The following CTNNA3 variants were observed in gnomAD, a reference collection of about 807,000 sequenced individuals.
The protein encoded by CTNNA3 is catenin alpha 3, also known as catenin alpha-3.
Under a neutral mutation model 95.7 loss-of-function variants are expected in CTNNA3, and 76 were observed. That is an observed-to-expected ratio of 0.79 (90% CI 0.66 to 0.96). The LOEUF (loss-of-function observed/expected upper bound fraction) is 0.96, where lower values mean the gene tolerates loss of function less well. CTNNA3 is among the 40% of genes least tolerant of loss of function. The pLI is 0.00. For missense variants in CTNNA3, 1,191 were observed against 1,089.8 expected (o/e 1.09, Z -1.31); for synonymous variants, 431 against 374.4 (o/e 1.15, Z -1.74).
chr10:66,893,421 G>A (rs1453470413), intron 7 of CTNNA3, among the ~76,000 whole-genome samples: 1 of 151,854 alleles, frequency 6.6e-6, no homozygotes, highest in African/African-American at 2.4e-5. Context: ...TATGTGTAAT[G>A]TCTCTAACAA....
chr10:66,045,424 T>TA (rs1157393341), intron 15 of CTNNA3, among the ~76,000 whole-genome samples: 4 of 152,192 alleles, frequency 2.6e-5, no homozygotes, highest in Non-Finnish European at 5.9e-5. Context: ...TAATTGTCCT[T>TA]AAAATGTAGA....
At chr10:67,459,308 A>C (rs1205680800) in intron 5 of CTNNA3, among the ~76,000 whole-genome samples, 4 of 152,156 alleles carry the variant, frequency 2.6e-5, no homozygotes. Context: ...TGCAAATCCA[A>C]GGCTGATGTA....
At chr10:66,931,843 A>G (rs1847414815) in intron 7 of CTNNA3, among the ~76,000 whole-genome samples, 1 of 152,206 alleles carries the variant, frequency 6.6e-6, no homozygotes, top group Non-Finnish European at 1.5e-5. Context: ...GATAAGAAAT[A>G]TTTTAGAGTG....
chr10:66,648,596 C>T (rs1205109047), intron 9 of CTNNA3, among the ~76,000 whole-genome samples: 1 of 152,026 alleles, frequency 6.6e-6, no homozygotes, highest in African/African-American at 2.4e-5. Flanking sequence ...TTCTGAAGAA[C>T]ATTGACAAAT....
chr10:66,090,393 T>G (rs980543246), intron 14 of CTNNA3, among the ~76,000 whole-genome samples: 5 of 151,876 alleles, frequency 3.3e-5, no homozygotes, highest in African/African-American at 1.2e-4. Flanking sequence ...ACCGTGATAG[T>G]GGTGGTGGTG....
chr10:66,672,114 G>T (rs1846682552), intron 9 of CTNNA3, among the ~76,000 whole-genome samples: 1 of 151,980 alleles, frequency 6.6e-6, no homozygotes, highest in Non-Finnish European at 1.5e-5. Flanking sequence ...TGGAGGAAGG[G>T]GCTGAAGAGT....
chr10:66,672,388 C>A (rs966693512), intron 9 of CTNNA3, among the ~76,000 whole-genome samples: 6 of 152,088 alleles, frequency 3.9e-5, no homozygotes, highest in African/African-American at 1.4e-4. Flanking sequence ...CCAAGCCATC[C>A]TTCCTTTTGA....
At chr10:66,403,853 T>C (rs1385856252) in intron 11 of CTNNA3, among the ~76,000 whole-genome samples, 1 of 152,190 alleles carries the variant, frequency 6.6e-6, no homozygotes, top group Non-Finnish European at 1.5e-5. Flanking sequence ...AAGCTAACTT[T>C]GCGAGGAATT....
At chr10:67,689,018 C>A (rs1341651130) in intron 1 of CTNNA3, among the ~76,000 whole-genome samples, 2 of 152,040 alleles carry the variant, frequency 1.3e-5, no homozygotes, top group African/African-American at 4.8e-5. Context: ...CCTCTTAGAC[C>A]ACAAAGAGGA....
intron 1 of CTNNA3, among the ~76,000 whole-genome samples, chr10:67,752,944 C>T (rs115603613): frequency 0.017 from 2,524 of 152,138 alleles, 73 homozygotes; most frequent in African/African-American, 0.058. Context: ...CTACCATTGC[C>T]GTTTTTCAAA....
chr10:65,973,696 T>C (rs2078155245), intron 16 of CTNNA3, among the ~76,000 whole-genome samples: 2 of 151,902 alleles, frequency 1.3e-5, no homozygotes, highest in South Asian at 2.1e-4. Context: ...TTACTCACAG[T>C]AGGAGATGAA....
intron 10 of CTNNA3, among the ~76,000 whole-genome samples, chr10:66,576,645 C>T (rs1470004385): frequency 6.6e-6 from 1 of 152,032 alleles, no homozygotes; most frequent in Non-Finnish European, 1.5e-5. Context: ...TTTCATGTTG[C>T]TGCAAAGAAC....
chr10:67,294,250 A>G (rs1181873195), intron 5 of CTNNA3, among the ~76,000 whole-genome samples: 1 of 152,164 alleles, frequency 6.6e-6, no homozygotes, highest in African/African-American at 2.4e-5. Flanking sequence ...AGAGACCCAA[A>G]TATATATAAG....
intron 7 of CTNNA3, among the ~76,000 whole-genome samples, chr10:66,897,032 C>A (rs1205270870): frequency 6.6e-6 from 1 of 152,152 alleles, no homozygotes; most frequent in Admixed American, 6.5e-5. Flanking sequence ...CCAAGAACAT[C>A]ACCCCTACTT....
chr10:66,508,341 G>A (rs4611094), intron 11 of CTNNA3, among the ~76,000 whole-genome samples: 22,739 of 151,098 alleles, frequency 0.15, 1,766 homozygotes, highest in Non-Finnish European at 0.17. Context: ...TAGAAACGGC[G>A]TTCACTTCAG....
intron 7 of CTNNA3, among the ~76,000 whole-genome samples, chr10:67,094,994 T>C (rs80005056): frequency 6.6e-6 from 1 of 151,424 alleles, no homozygotes; most frequent in South Asian, 2.1e-4. Flanking sequence ...AAACTATAAG[T>C]AATTGGCTTT....
At chr10:66,101,993 T>C (rs1343630802) in intron 14 of CTNNA3, among the ~76,000 whole-genome samples, 1 of 152,050 alleles carries the variant, frequency 6.6e-6, no homozygotes, top group East Asian at 1.9e-4. Context: ...TTTAAGGAAA[T>C]GTGCACTAAC....
Position 65,999,652 on chromosome 10 carries a change from C to T in CTNNA3, c.2160-10855G>A, listed in dbSNP as rs2078732320. 2.0e-5 allele frequency among the ~76,000 whole-genome samples: 3 copies of T among 152,268 alleles called. No homozygotes were observed. In the South Asian group the frequency reaches 6.2e-4, roughly 32 times the overall value. ...TATCATGCCAAACTTCAAGAGGATT[C>T]TACAATTACTGAAACTATGATAAAT... On this transcript the variant is annotated intron_variant, in intron 15 of 17. Transcript: ENST00000433211.
Position 66,069,329 on chromosome 10 carries a change from A to G in CTNNA3, c.2138T>C (p.Met713Thr). 6.2e-7 allele frequency: 1 copy of G among 1,613,526 alleles called. No homozygotes were observed. Among genetic ancestry groups the G allele is most frequent in the Non-Finnish European group, 8.5e-7 (1 of 1,179,642 alleles). The change falls in exon 15 of 18, where the codon ATG (methionine) becomes ACG (threonine). Residue 713 changes from methionine (M) to threonine (T), a missense_variant. Met to Thr is a moderately conservative substitution (Grantham distance 81, BLOSUM62 -1). Transcript: ENST00000433211. ...VLAKNMCMIM[M>T]EMTDFTRGKG... ...TTACCTAGTGAAGTCTGTCATCTCCATCATGATCATACACATGTTCTTGGC... is the reference window on the plus strand; with the variant it reads ...TTACCTAGTGAAGTCTGTCATCTCCGTCATGATCATACACATGTTCTTGGC...
Sources: allele counts gnomAD v4.1 joint callset (sites outside exome capture counted in the v4.1 genomes callset), GRCh38; gene constraint gnomAD v4.1.1; transcripts MANE v1.5; gene names NCBI Gene and HGNC (gene_info 2026-07-23, HGNC 2026-07-21).